Variants in TTC28 observed in about 807,000 individuals in gnomAD.
TTC28 encodes tetratricopeptide repeat protein 28.
In TTC28, 61 loss-of-function variants were observed where a neutral mutation model predicts 198.0. The ratio of observed to expected loss-of-function variants is 0.31; its 90% CI spans 0.25 to 0.38. The LOEUF (loss-of-function observed/expected upper bound fraction) is 0.38. TTC28 is among the 10% of genes least tolerant of loss of function. TTC28 has a pLI of 1.00. For missense variants in TTC28, 2,678 were observed against 3,164.0 expected, an observed-to-expected ratio of 0.85 and a Z score of 3.69; for synonymous variants, 1,171 against 1,297.8, an observed-to-expected ratio of 0.90 and a Z score of 2.10.
intron 2 of TTC28, among the ~76,000 whole-genome samples, chr22:28,436,661 C>A (rs1267193493): frequency 1.3e-5 from 2 of 152,174 alleles, no homozygotes; most frequent in Non-Finnish European, 2.9e-5. Flanking sequence ...TTTTTATATG[C>A]AAGGAACTCT....
At chr22:28,584,612 G>C (rs2050284952) in intron 2 of TTC28, among the ~76,000 whole-genome samples, 1 of 152,166 alleles carries the variant, frequency 6.6e-6, no homozygotes, top group Admixed American at 6.5e-5. Context: ...TTTTAATATT[G>C]TATTTAATTG....
intron 16 of TTC28, chr22:27,997,469 GTGT>G (rs1008020694): frequency 2.0e-4 from 31 of 152,258 alleles, no homozygotes; most frequent in African/African-American, 7.5e-4. Context: ...CCCTGCAGCT[GTGT>G]TGACAGGACC....
chr22:27,986,458 CA>C (rs578068177), intron 21 of TTC28: 11 of 152,196 alleles, frequency 7.2e-5, no homozygotes, highest in Non-Finnish European at 1.5e-4. Flanking sequence ...GACCACAAAG[CA>C]AGAATTTAGG....
At chr22:28,340,733 T>A (rs2045815537) in intron 2 of TTC28, among the ~76,000 whole-genome samples, 1 of 152,092 alleles carries the variant, frequency 6.6e-6, no homozygotes, top group Non-Finnish European at 1.5e-5. Context: ...CTAATCTGAG[T>A]CACAATCCTC....
chr22:28,405,596 AT>A (rs2046987298), intron 2 of TTC28, among the ~76,000 whole-genome samples: 1 of 152,226 alleles, frequency 6.6e-6, no homozygotes, highest in African/African-American at 2.4e-5. Flanking sequence ...GAGGCTAACA[AT>A]TTTACTGTGT....
In TTC28 at chr22:28,096,096, T is replaced by C. The variant is rs964674569; in HGVS notation, c.3766+94A>G. On this transcript the variant is annotated intron_variant, in intron 11 of 22. Transcript: ENST00000397906. ...AAAATCTGACATCAGTTCCTTAGTA[T>C]GATCTATGATAATGCACCTATTCCA... 12 of 1,398,112 alleles carry C rather than the reference T, an allele frequency of 8.6e-6. No homozygotes were observed. The African/African-American group carries it at 1.4e-4, about 17-fold the overall frequency. The allele number at this position is 1,398,112 out of a possible 1,614,324, so 86.6% of individuals were successfully genotyped here.
At chr22:28,533,146 A>T (rs1484027380) in intron 2 of TTC28, among the ~76,000 whole-genome samples, 1 of 152,210 alleles carries the variant, frequency 6.6e-6, no homozygotes, top group Non-Finnish European at 1.5e-5. Flanking sequence ...ATGGTTGTAT[A>T]TCTAGAAAAC....
intron 2 of TTC28, among the ~76,000 whole-genome samples, chr22:28,594,560 C>CAT (rs2050503472): frequency 6.8e-6 from 1 of 147,896 alleles, no homozygotes; most frequent in African/African-American, 2.7e-5. Context: ...TTTAAAGTAA[C>CAT]ATTCAATTTA....
Position 28,191,576 on chromosome 22 carries a change from G to A in TTC28, c.934-27977C>T, listed in dbSNP as rs145448395. On this transcript the variant is annotated intron_variant, in intron 5 of 22. Coordinates refer to ENST00000397906, the MANE Select transcript of TTC28 (RefSeq NM_001145418.2). Reference sequence around the variant, plus strand: ...GGTAACAGATGGCACCTGGAAAATCGGGTCTCTCCCACCCTAATACTGCGC... The same window carrying A: ...GGTAACAGATGGCACCTGGAAAATCAGGTCTCTCCCACCCTAATACTGCGC... Among the ~76,000 whole-genome samples the A allele has an allele frequency of 2.1e-3, 313 of 152,346 alleles. 1 individual carries two copies. The highest frequency in any genetic ancestry group is 3.8e-3 in the Non-Finnish European group (261 of 68,032).
intron 17 of TTC28, among the ~76,000 whole-genome samples, chr22:27,994,128 G>C (rs1490303399): frequency 6.6e-6 from 1 of 152,208 alleles, no homozygotes; most frequent in African/African-American, 2.4e-5. Context: ...TGTTTTAACA[G>C]TAGTACAGGG....
chr22:27,996,339 G>A (rs143310154), intron 16 of TTC28, 80 bp from the exon 17 acceptor site: 45 of 1,506,928 alleles, frequency 3.0e-5, no homozygotes, highest in African/African-American at 1.7e-4. Flanking sequence ...GCTCACTTAC[G>A]CCTCGAGGTT....
At chr22:28,238,855 G>C (rs1478451924) in intron 5 of TTC28, among the ~76,000 whole-genome samples, 2 of 152,128 alleles carry the variant, frequency 1.3e-5, no homozygotes, top group African/African-American at 4.8e-5. Context: ...GATTTCTGGA[G>C]GTCTTTCTCT....
chr22:28,631,674 A>G (rs1337098228), intron 1 of TTC28, among the ~76,000 whole-genome samples: 2 of 151,898 alleles, frequency 1.3e-5, no homozygotes, highest in Admixed American at 1.3e-4. Flanking sequence ...TCAGGCATGC[A>G]CCACCCCGCC....
chr22:28,042,559 C>T (rs1939690194), intron 12 of TTC28, among the ~76,000 whole-genome samples: 1 of 151,818 alleles, frequency 6.6e-6, no homozygotes, highest in Admixed American at 6.6e-5. Flanking sequence ...GGGCAGGGAA[C>T]ATCATACACT....
intron 2 of TTC28, among the ~76,000 whole-genome samples, chr22:28,369,924 C>G (rs2046305696): frequency 6.6e-6 from 1 of 152,068 alleles, no homozygotes; most frequent in African/African-American, 2.4e-5. Context: ...ATCTGTAAAT[C>G]AAAATGTATC....
At chr22:28,405,405 G>C (rs1000180478) in intron 2 of TTC28, among the ~76,000 whole-genome samples, 3 of 152,152 alleles carry the variant, frequency 2.0e-5, no homozygotes, top group African/African-American at 7.2e-5. Flanking sequence ...TGGTCACAGA[G>C]CCTTCCTTCA....
intron 2 of TTC28, among the ~76,000 whole-genome samples, chr22:28,335,940 G>GT (rs2045708662): frequency 6.6e-6 from 1 of 152,170 alleles, no homozygotes; most frequent in African/African-American, 2.4e-5. Context: ...AATGCTTCCA[G>GT]TTTTTGGCCA....
At chr22:28,194,765 AACAGGCTCTG>A (rs1925224734) in intron 5 of TTC28, among the ~76,000 whole-genome samples, 2 of 130,808 alleles carry the variant, frequency 1.5e-5, no homozygotes, top group South Asian at 5.3e-4. Context: ...ATAGACCAAT[AACAGGCTCTG>A]AAATTGAGGC....
intron 5 of TTC28, among the ~76,000 whole-genome samples, chr22:28,217,877 A>G (rs1008129466): frequency 2.6e-5 from 4 of 152,210 alleles, no homozygotes; most frequent in African/African-American, 9.6e-5. Flanking sequence ...TATATCCTCT[A>G]AAACAACAAA....
Sources: allele counts gnomAD v4.1 joint callset (sites outside exome capture counted in the v4.1 genomes callset), GRCh38; gene constraint gnomAD v4.1.1; transcripts MANE v1.5; gene names NCBI Gene and HGNC (gene_info 2026-07-23, HGNC 2026-07-21).